GOLIM4: variants seen among roughly 807,000 people sequenced by gnomAD.
The protein encoded by GOLIM4 is 130 kDa golgi-localized phosphoprotein.
Under a neutral mutation model 107.4 loss-of-function variants are expected in GOLIM4, and 71 were observed. The observed-to-expected ratio is 0.66, with a 90% CI of 0.55 to 0.81. GOLIM4 has a LOEUF of 0.81. GOLIM4 is among the 30% of genes least tolerant of loss of function. The pLI is 0.00. For missense variants in GOLIM4, 830 were observed against 826.1 expected, an observed-to-expected ratio of 1.00 and a Z score of -0.06; for synonymous variants, 327 against 294.8, an observed-to-expected ratio of 1.11 and a Z score of -1.12.
chr3:168,053,118 C>T (rs1244075739), intron 1 of GOLIM4, among the ~76,000 whole-genome samples: 7 of 152,142 alleles, frequency 4.6e-5, no homozygotes, highest in African/African-American at 1.7e-4. Flanking sequence ...TAAAAACGTG[C>T]CAGCTTCCTA....
At chr3:168,066,286 T>C (rs1720541694) in intron 1 of GOLIM4, among the ~76,000 whole-genome samples, 1 of 152,162 alleles carries the variant, frequency 6.6e-6, no homozygotes. Context: ...ATAACCTCAC[T>C]AGTTCCAGAT....
At chr3:168,071,138 A>T (rs1720810434) in intron 1 of GOLIM4, among the ~76,000 whole-genome samples, 1 of 152,194 alleles carries the variant, frequency 6.6e-6, no homozygotes, top group Admixed American at 6.5e-5. Context: ...TCCAGCTCGC[A>T]TCCCATCGTC....
chr3:168,032,593 T>C lies in GOLIM4; in HGVS notation c.1103A>G (p.Gln368Arg). 1 of 1,614,096 alleles carries C rather than the reference T, an allele frequency of 6.2e-7. No homozygotes were observed. The highest frequency in any genetic ancestry group is 8.5e-7 in the Non-Finnish European group (1 of 1,179,994). Residue 368 changes from glutamine to arginine, a missense_variant, in exon 9 of 16, where the codon CAG becomes CGG. By Grantham distance (43) the Gln-to-Arg change is conservative. Transcript: ENST00000470487. Reference sequence around the variant, plus strand: ...ATGCTGCTCTTTCCACTCCCGATCCTGCTCCTCTGGTGATGGATCGTGTTC... The same window carrying C: ...ATGCTGCTCTTTCCACTCCCGATCCCGCTCCTCTGGTGATGGATCGTGTTC... ...EEEHDPSPEE[Q>R]DREWKEQHEQ...
chr3:168,053,064 G>C (rs1043747597), intron 1 of GOLIM4, among the ~76,000 whole-genome samples: 1 of 152,126 alleles, frequency 6.6e-6, no homozygotes, highest in East Asian at 1.9e-4. Flanking sequence ...CATGCAACCA[G>C]GAATGGAAAG....
intron 1 of GOLIM4, among the ~76,000 whole-genome samples, chr3:168,084,608 C>T (rs943639323): frequency 2.6e-5 from 4 of 152,142 alleles, no homozygotes; most frequent in African/African-American, 9.7e-5. Flanking sequence ...TCCTTTCCCA[C>T]AGAAGTTGTG....
At chr3:168,088,885 G>A (rs1441491140) in intron 1 of GOLIM4, among the ~76,000 whole-genome samples, 1 of 152,092 alleles carries the variant, frequency 6.6e-6, no homozygotes, top group Admixed American at 6.5e-5. Context: ...AGAAATCAAG[G>A]CAAGGCTTCC....
intron 1 of GOLIM4, among the ~76,000 whole-genome samples, chr3:168,068,841 T>A (rs9873776): frequency 0.043 from 6,237 of 145,504 alleles, 382 homozygotes; most frequent in African/African-American, 0.16. Context: ...TATTTTATTT[T>A]TTTTTTTTTT....
In GOLIM4 at chr3:168,040,655, C is replaced by T. The variant is rs1479502079; in HGVS notation, c.684+131G>A. 9 of 540,564 alleles carry T rather than the reference C, an allele frequency of 1.7e-5. 1 individual carries two copies. The highest frequency in any genetic ancestry group is 2.0e-5 in the Non-Finnish European group (6 of 301,776). 33.5% of individuals were successfully genotyped at this position (540,564 alleles called of 1,614,324 possible). The stretch of plus-strand genomic sequence containing the variant: ...TTGAATTTTGAAAGCATGCATGATC[C>T]TCAGGATTAGGATAGCTCTGTCCTA... On this transcript the variant is annotated intron_variant, in intron 7 of 15. Transcript: ENST00000470487.
intron 1 of GOLIM4, among the ~76,000 whole-genome samples, chr3:168,073,459 C>T (rs944282069): frequency 6.6e-6 from 1 of 152,126 alleles, no homozygotes; most frequent in Non-Finnish European, 1.5e-5. Context: ...ACTATTTTAT[C>T]CATTTATCAA....
At chr3:168,066,189 T>C (rs889500966) in intron 1 of GOLIM4, among the ~76,000 whole-genome samples, 2 of 151,992 alleles carry the variant, frequency 1.3e-5, no homozygotes, top group African/African-American at 2.4e-5. Flanking sequence ...TTTTTTTTTT[T>C]CTGCAAAGTA....
chr3:168,056,759 G>A (rs1035342689), intron 1 of GOLIM4, among the ~76,000 whole-genome samples: 2 of 152,198 alleles, frequency 1.3e-5, no homozygotes, highest in African/African-American at 4.8e-5. Context: ...TGGAATGACT[G>A]TATTTACTCA....
chr3:168,087,070 C>G (rs1326352183), intron 1 of GOLIM4, among the ~76,000 whole-genome samples: 1 of 152,158 alleles, frequency 6.6e-6, no homozygotes, highest in East Asian at 1.9e-4. Flanking sequence ...TCCTAAACTT[C>G]AGACATGCAG....
At position 168,074,148 on chromosome 3, in the gene GOLIM4, G is replaced by A. The variant is rs1399702661; in HGVS notation, c.187+20951C>T. Among the ~76,000 whole-genome samples the A allele has an allele frequency of 1.3e-5, 2 of 152,186 alleles. 1 individual carries two copies. The highest frequency in any genetic ancestry group is 4.8e-5 in the African/African-American group (2 of 41,444). Reference sequence around the variant, plus strand: ...GGTATCTGGACAACAGTGAGGAACAGCCACGTGAATGAGCTTGGGAGTGGA... The same window carrying A: ...GGTATCTGGACAACAGTGAGGAACAACCACGTGAATGAGCTTGGGAGTGGA... On this transcript the variant is annotated intron_variant, in intron 1 of 15. Coordinates refer to ENST00000470487, the MANE Select transcript of GOLIM4 (RefSeq NM_014498.5).
chr3:168,009,992 T>A lies in GOLIM4; in HGVS notation c.*277A>T, dbSNP rs556851501. ...TACAAAATCAATGAGCTTTCCAACATCACATAATCTATTAAAAAAATTGGG... is the reference window on the plus strand; with the variant it reads ...TACAAAATCAATGAGCTTTCCAACAACACATAATCTATTAAAAAAATTGGG... On this transcript the variant is annotated 3_prime_UTR_variant, in exon 16 of 16. Coordinates refer to ENST00000470487, the MANE Select transcript of GOLIM4 (RefSeq NM_014498.5). The A allele has an allele frequency of 4.8e-5, 13 of 270,910 alleles. No homozygotes were observed. The highest frequency in any genetic ancestry group is 8.8e-5 in the Non-Finnish European group (13 of 147,196). 16.8% of individuals were successfully genotyped at this position (270,910 alleles called of 1,614,324 possible).
In GOLIM4 at chr3:168,013,151, C is replaced by T. The variant is rs1363359515; in HGVS notation, c.1861-2328G>A. Among the ~76,000 whole-genome samples, 6 of 151,504 alleles carry T rather than the reference C, an allele frequency of 4.0e-5. No individual in the cohort carries two copies. The East Asian group carries it at 5.8e-4, about 15-fold the overall frequency. On this transcript the variant is annotated intron_variant, in intron 14 of 15. Transcript: ENST00000470487. ...TGCTGTATTCAGGAAACCCATCTCA[C>T]GTGCAGAGACACACATAGGCTCAAA...
At chr3:168,043,590 C>A in intron 4 of GOLIM4, 61 bp from the exon 5 acceptor site, 1 of 1,325,496 alleles carries the variant, frequency 7.5e-7, no homozygotes, top group South Asian at 1.4e-5. Context: ...GAGTCTATTT[C>A]TTGACAGCAC....
At chr3:168,041,328 T>A in intron 6 of GOLIM4, 64 bp downstream of exon 6, 2 of 949,402 alleles carry the variant, frequency 2.1e-6, no homozygotes, top group Non-Finnish European at 3.4e-6. Context: ...AATGACTTTT[T>A]AAAGTCATTC....
Position 168,032,591 on chromosome 3 carries a change from C to T in GOLIM4, c.1105G>A (p.Asp369Asn). The T allele has an allele frequency of 6.2e-7, 1 of 1,614,114 alleles. No individual in the cohort carries two copies. Among genetic ancestry groups the T allele is most frequent in the East Asian group, 2.2e-5 (1 of 44,880 alleles). ...EEHDPSPEEQ[D>N]REWKEQHEQR... is the part of the protein sequence containing the mutation. ...TCATGCTGCTCTTTCCACTCCCGAT[C>T]CTGCTCCTCTGGTGATGGATCGTGT... The change falls in exon 9 of 16, where the codon GAT becomes AAT. Residue 369 changes from aspartate to asparagine, a missense_variant. By Grantham distance (23) the Asp-to-Asn change is conservative. Transcript: ENST00000470487.
At chr3:168,078,260 C>T (rs1721167500) in intron 1 of GOLIM4, among the ~76,000 whole-genome samples, 1 of 152,012 alleles carries the variant, frequency 6.6e-6, no homozygotes, top group Non-Finnish European at 1.5e-5. Flanking sequence ...TTTGTTTACA[C>T]AAATATTTTG....
Sources: gnomAD v4.1 joint callset for allele counts (sites outside exome capture counted in the v4.1 genomes callset) on GRCh38, gnomAD v4.1.1 for gene constraint, MANE v1.5 for transcripts, NCBI Gene and HGNC (gene_info 2026-07-23, HGNC 2026-07-21) for gene names.